ME1: variants seen among roughly 807,000 people sequenced by gnomAD.
ME1 encodes the protein NADP-dependent malic enzyme.
Under a neutral mutation model 66.4 loss-of-function variants are expected in ME1, and 74 were observed. The ratio of observed to expected loss-of-function variants is 1.11; its 90% CI spans 0.92 to 1.35. The LOEUF (loss-of-function observed/expected upper bound fraction) is 1.35, where lower values mean the gene tolerates loss of function less well. Among genes scored for constraint, ME1 ranks in the 40% most tolerant of loss-of-function variants. The pLI is 0.00. For missense variants in ME1, 750 were observed against 694.1 expected (o/e 1.08, Z -0.90); for synonymous variants, 251 against 235.6 (o/e 1.07, Z -0.60).
At chr6:83,217,372 T>A (rs1454288924) in intron 12 of ME1, among the ~76,000 whole-genome samples, 4 of 152,210 alleles carry the variant, frequency 2.6e-5, no homozygotes, top group African/African-American at 4.8e-5. Context: ...TTTTAAATAA[T>A]CAAATACTTA....
intron 2 of ME1, among the ~76,000 whole-genome samples, chr6:83,399,156 G>A (rs532210785): frequency 2.0e-5 from 3 of 151,370 alleles, no homozygotes; most frequent in Non-Finnish European, 2.9e-5. Context: ...CAACAAGCCC[G>A]GCTAATTTTT....
chr6:83,400,542 G>A (rs1769819237), intron 2 of ME1, among the ~76,000 whole-genome samples: 1 of 152,080 alleles, frequency 6.6e-6, no homozygotes, highest in African/African-American at 2.4e-5. Context: ...TGAATAAATT[G>A]TGTTGGCTTT....
intron 13 of ME1, among the ~76,000 whole-genome samples, chr6:83,213,489 G>C (rs761060438): frequency 5.1e-4 from 78 of 151,934 alleles, no homozygotes; most frequent in Non-Finnish European, 8.7e-4. Context: ...TCCTGCCTCA[G>C]CCTCCCAAGG....
At chr6:83,327,474 C>T (rs145455197) in intron 5 of ME1, among the ~76,000 whole-genome samples, 8 of 152,152 alleles carry the variant, frequency 5.3e-5, no homozygotes, top group African/African-American at 1.4e-4. Flanking sequence ...CCGGGGCACA[C>T]CTGTCTCTTA....
chr6:83,348,853 TG>T (rs1343797836), intron 4 of ME1, among the ~76,000 whole-genome samples: 1 of 150,978 alleles, frequency 6.6e-6, no homozygotes, highest in East Asian at 1.9e-4. Context: ...CTGGGCGTGG[TG>T]GCGAGTAGCC....
At chr6:83,367,966 T>C (rs747723607) in intron 3 of ME1, among the ~76,000 whole-genome samples, 12 of 152,176 alleles carry the variant, frequency 7.9e-5, no homozygotes, top group Non-Finnish European at 1.3e-4. Context: ...TGTTTTAAAC[T>C]GAGAGATGTG....
chr6:83,393,077 C>A lies in ME1; in HGVS notation c.362+5290G>T, dbSNP rs1166723897. The A allele has an allele frequency of 4.8e-6, 7 of 1,447,182 alleles. No homozygotes were observed. In the Admixed American group the frequency reaches 8.9e-5, roughly 18 times the overall value. The allele number at this position is 1,447,182 out of a possible 1,614,324, so 89.6% of individuals were successfully genotyped here. A position where few individuals can be genotyped will look rare whatever the true frequency, so the allele number is the denominator to read the frequency against. ...TGAGGAAGGTCATCCCTGAGCTAAACGGGAAGCTCACTGGCATGGCCTTCC... is the reference window on the plus strand; with the variant it reads ...TGAGGAAGGTCATCCCTGAGCTAAAAGGGAAGCTCACTGGCATGGCCTTCC... On this transcript the variant is annotated intron_variant, in intron 3 of 13. Transcript: ENST00000369705.
At chr6:83,429,608 T>C (rs916194386) in intron 1 of ME1, among the ~76,000 whole-genome samples, 2 of 152,058 alleles carry the variant, frequency 1.3e-5, no homozygotes, top group Admixed American at 1.3e-4. Flanking sequence ...AAGAAAGAAA[T>C]AAGTTGGAAT....
At chr6:83,297,219 G>A (rs76358621) in intron 6 of ME1, among the ~76,000 whole-genome samples, 2,339 of 151,476 alleles carry the variant, frequency 0.015, 59 homozygotes, top group African/African-American at 0.054. Context: ...GCCATAAAAT[G>A]AATAAAAAAA....
At chr6:83,352,786 A>ATTT (rs1216579795) in intron 3 of ME1, among the ~76,000 whole-genome samples, 1 of 152,226 alleles carries the variant, frequency 6.6e-6, no homozygotes, top group Admixed American at 6.5e-5. Flanking sequence ...AATTTAAAAT[A>ATTT]TGTAAATGCC....
chr6:83,268,412 A>T (rs9449602), intron 6 of ME1, among the ~76,000 whole-genome samples: 8,723 of 152,196 alleles, frequency 0.057, 454 homozygotes, highest in African/African-American at 0.13. Flanking sequence ...GTATACAATT[A>T]GGGTAAGTTC....
At chr6:83,360,931 C>T (rs1768996513) in intron 3 of ME1, among the ~76,000 whole-genome samples, 1 of 152,216 alleles carries the variant, frequency 6.6e-6, no homozygotes, top group Non-Finnish European at 1.5e-5. Context: ...CCTTTTTCTC[C>T]ATTGCTGTCC....
At chr6:83,392,937 A>G (rs555985645) in intron 3 of ME1, 229 of 825,872 alleles carry the variant, frequency 2.8e-4, no homozygotes, top group Non-Finnish European at 4.1e-4. Flanking sequence ...GGAAGGACTC[A>G]TGACCATCGC....
chr6:83,399,022 C>T (rs919637233), intron 2 of ME1, among the ~76,000 whole-genome samples: 15 of 152,012 alleles, frequency 9.9e-5, no homozygotes, highest in African/African-American at 2.7e-4. Context: ...GAGACAGAGT[C>T]TCGCTCTGTC....
intron 3 of ME1, 62 bp downstream of exon 3, chr6:83,398,305 G>A (rs992137546): frequency 1.3e-5 from 15 of 1,163,786 alleles, no homozygotes; most frequent in South Asian, 4.9e-5. Flanking sequence ...TTTTAAATTC[G>A]TTAAAAAACT....
At chr6:83,287,266 C>T (rs577605749) in intron 6 of ME1, among the ~76,000 whole-genome samples, 2 of 152,150 alleles carry the variant, frequency 1.3e-5, no homozygotes, top group East Asian at 3.9e-4. Flanking sequence ...CAACCTGTCA[C>T]CTACATTAGG....
intron 6 of ME1, among the ~76,000 whole-genome samples, chr6:83,312,474 C>A (rs1160006032): frequency 6.6e-6 from 1 of 151,908 alleles, no homozygotes; most frequent in African/African-American, 2.4e-5. Flanking sequence ...TGGAGAAGAC[C>A]GAGAGGAAGA....
At chr6:83,273,033 C>T (rs1054683626) in intron 6 of ME1, among the ~76,000 whole-genome samples, 10 of 151,790 alleles carry the variant, frequency 6.6e-5, no homozygotes, top group African/African-American at 1.2e-4. Flanking sequence ...AAAAATTAGC[C>T]GGGCATGGTG....
rs775460791 is a variant in ME1 at position 83,407,840 on chromosome 6, G to T, written c.140C>A (p.Ser47Tyr). Residue 47 changes from serine (S) to tyrosine (Y), a missense_variant, in exon 2 of 14, where the codon TCC (serine) becomes TAC (tyrosine). Transcript: ENST00000369705. ...AACCTGGATCTCCTGACTGTTGAAGGAAGGTGGCAACAATCCATGAATGTT... is the reference window on the plus strand; with the variant it reads ...AACCTGGATCTCCTGACTGTTGAAGTAAGGTGGCAACAATCCATGAATGTT... ...QLNIHGLLPP[S>Y]FNSQEIQVLR... 10 of 1,613,474 alleles carry T rather than the reference G, an allele frequency of 6.2e-6. No homozygotes were observed. The Admixed American group carries it at 1.7e-4, about 27-fold the overall frequency.
Sources: allele counts gnomAD v4.1 joint callset (sites outside exome capture counted in the v4.1 genomes callset), GRCh38; gene constraint gnomAD v4.1.1; transcripts MANE v1.5; gene names NCBI Gene and HGNC (gene_info 2026-07-23, HGNC 2026-07-21).